NKAIN3: variants seen among roughly 807,000 people sequenced by gnomAD.
NKAIN3 encodes sodium/potassium-transporting ATPase subunit beta-1-interacting protein 3.
A neutral mutation model predicts 30.2 loss-of-function variants in NKAIN3; 25 were observed. The ratio of observed to expected loss-of-function variants is 0.83; its 90% CI spans 0.60 to 1.16. The LOEUF (loss-of-function observed/expected upper bound fraction) is 1.16. Ranked by LOEUF, NKAIN3 falls within the 50% of genes most tolerant of loss-of-function variation. NKAIN3 has a pLI of 0.00. For missense variants in NKAIN3, 225 were observed against 254.1 expected (o/e 0.89, Z 0.78); for synonymous variants, 91 against 89.6 (o/e 1.02, Z -0.09).
At chr8:62,757,205 A>C (rs1228549580) in intron 4 of NKAIN3, among the ~76,000 whole-genome samples, 1 of 152,204 alleles carries the variant, frequency 6.6e-6, no homozygotes, top group African/African-American at 2.4e-5. Context: ...AATGTCATTC[A>C]GAGGGTGGCA....
At chr8:62,630,747 C>A (rs1386997843) in intron 3 of NKAIN3, among the ~76,000 whole-genome samples, 1 of 152,080 alleles carries the variant, frequency 6.6e-6, no homozygotes, top group Non-Finnish European at 1.5e-5. Flanking sequence ...CCTCAGCTTA[C>A]CTTCTCTTTC....
At chr8:62,570,460 C>A (rs1208266104) in intron 1 of NKAIN3, among the ~76,000 whole-genome samples, 1 of 152,102 alleles carries the variant, frequency 6.6e-6, no homozygotes, top group Admixed American at 6.6e-5. Flanking sequence ...ACTTACAGTT[C>A]CACGTGGTTG....
intron 3 of NKAIN3, among the ~76,000 whole-genome samples, chr8:62,705,835 T>C (rs1814502402): frequency 6.6e-6 from 1 of 152,194 alleles, no homozygotes; most frequent in Non-Finnish European, 1.5e-5. Flanking sequence ...GTTTTGATTT[T>C]TCTCCCTGCA....
intron 3 of NKAIN3, among the ~76,000 whole-genome samples, chr8:62,701,902 G>A (rs899163905): frequency 3.9e-5 from 6 of 152,128 alleles, no homozygotes; most frequent in Non-Finnish European, 8.8e-5. Context: ...GTCCACCTAC[G>A]CTCCACTTAA....
intron 5 of NKAIN3, among the ~76,000 whole-genome samples, chr8:62,991,690 A>T (rs1035444974): frequency 1.3e-5 from 2 of 152,234 alleles, no homozygotes; most frequent in African/African-American, 4.8e-5. Context: ...AAGAGCTCTA[A>T]TGAAGACTTA....
intron 6 of NKAIN3, among the ~76,000 whole-genome samples, chr8:62,957,917 G>T (rs947140204): frequency 6.6e-6 from 1 of 152,164 alleles, no homozygotes; most frequent in Non-Finnish European, 1.5e-5. Context: ...CACACTGGTA[G>T]GGAATGCTGA....
intron 1 of NKAIN3, among the ~76,000 whole-genome samples, chr8:62,290,669 A>G (rs543863044): frequency 2.0e-5 from 3 of 152,192 alleles, no homozygotes; most frequent in African/African-American, 4.8e-5. Flanking sequence ...TTTTTGCATC[A>G]ATGTTCATCA....
At position 62,977,584 on chromosome 8, in the gene NKAIN3, A is replaced by T. The variant is rs1385757777; in HGVS notation, c.*12177A>T. Among the ~76,000 whole-genome samples, 3 of 151,748 alleles carry T rather than the reference A, an allele frequency of 2.0e-5. No individual in the cohort carries two copies. Among genetic ancestry groups the T allele is most frequent in the Non-Finnish European group, 4.4e-5 (3 of 67,950 alleles). On this transcript the variant is annotated 3_prime_UTR_variant, in exon 7 of 7. Transcript: ENST00000623646. Reference sequence around the variant, plus strand: ...CTTCTCTAAACTGGTTATTCTCTAAACTGGTTATTCTAGTTAGCAATTCCT... The same window carrying T: ...CTTCTCTAAACTGGTTATTCTCTAATCTGGTTATTCTAGTTAGCAATTCCT...
intron 5 of NKAIN3, among the ~76,000 whole-genome samples, chr8:62,996,030 G>A (rs1313636543): frequency 6.6e-6 from 1 of 152,166 alleles, no homozygotes; most frequent in East Asian, 1.9e-4. Context: ...TATTTAACAT[G>A]ATAACTAGGT....
chr8:62,319,783 T>G (rs1417095670), intron 1 of NKAIN3, among the ~76,000 whole-genome samples: 1 of 152,170 alleles, frequency 6.6e-6, no homozygotes, highest in Non-Finnish European at 1.5e-5. Context: ...AAGTGCAGTG[T>G]GGTGCTGAGA....
chr8:62,373,688 C>T (rs931688818), intron 1 of NKAIN3, among the ~76,000 whole-genome samples: 3 of 152,350 alleles, frequency 2.0e-5, no homozygotes, highest in South Asian at 4.1e-4. Context: ...TAAAGTTACA[C>T]ATCTATTGCA....
chr8:62,548,690 A>G (rs1285289368), intron 1 of NKAIN3, among the ~76,000 whole-genome samples: 1 of 123,718 alleles, frequency 8.1e-6, no homozygotes, highest in African/African-American at 3.5e-5. Context: ...TATTTTGTTA[A>G]GTAAAAAAGA....
intron 4 of NKAIN3, among the ~76,000 whole-genome samples, chr8:62,829,185 T>C (rs763554384): frequency 3.9e-5 from 6 of 152,202 alleles, no homozygotes; most frequent in Admixed American, 1.3e-4. Context: ...GTTATTGCCT[T>C]AATGCAGAGG....
chr8:62,280,751 T>C (rs1021238881), intron 1 of NKAIN3, among the ~76,000 whole-genome samples: 3 of 152,186 alleles, frequency 2.0e-5, no homozygotes, highest in Non-Finnish European at 4.4e-5. Context: ...GATAAGCTTT[T>C]TGATGTGCTG....
intron 4 of NKAIN3, among the ~76,000 whole-genome samples, chr8:62,894,094 T>G (rs1412453132): frequency 6.6e-6 from 1 of 152,204 alleles, no homozygotes; most frequent in Non-Finnish European, 1.5e-5. Flanking sequence ...CCTCCTCACT[T>G]ATTATCAATC....
intron 3 of NKAIN3, among the ~76,000 whole-genome samples, chr8:62,674,195 T>C (rs1813401397): frequency 1.3e-5 from 2 of 152,208 alleles, no homozygotes; most frequent in Non-Finnish European, 2.9e-5. Flanking sequence ...TCCAGACATA[T>C]GGAGGAACTC....
chr8:62,648,561 T>C (rs1338482872), intron 3 of NKAIN3, among the ~76,000 whole-genome samples: 2 of 152,096 alleles, frequency 1.3e-5, no homozygotes, highest in Non-Finnish European at 2.9e-5. Context: ...TACACAGGGG[T>C]ATATCACCTA....
intron 1 of NKAIN3, among the ~76,000 whole-genome samples, chr8:62,418,754 G>C (rs568185533): frequency 6.6e-6 from 1 of 152,136 alleles, no homozygotes; most frequent in South Asian, 2.1e-4. Context: ...AATCCCTTGA[G>C]TATTATTTGT....
At chr8:62,846,364 G>A (rs193155485) in intron 4 of NKAIN3, among the ~76,000 whole-genome samples, 2 of 152,114 alleles carry the variant, frequency 1.3e-5, no homozygotes, top group African/African-American at 4.8e-5. Flanking sequence ...TGCAGGATGT[G>A]CAGGTTTGTT....
Sources: gnomAD v4.1 joint callset for allele counts (sites outside exome capture counted in the v4.1 genomes callset) on GRCh38, gnomAD v4.1.1 for gene constraint, MANE v1.5 for transcripts, NCBI Gene and HGNC (gene_info 2026-07-23, HGNC 2026-07-21) for gene names.